GPR137C: variants seen among roughly 807,000 people sequenced by gnomAD.
The protein encoded by GPR137C is G protein-coupled receptor 137C, also known as integral membrane protein GPR137C.
In GPR137C, 27 loss-of-function variants were observed where a neutral mutation model predicts 43.4. The ratio of observed to expected loss-of-function variants is 0.62; its 90% CI spans 0.46 to 0.86. The LOEUF (loss-of-function observed/expected upper bound fraction) is 0.86, where lower values mean the gene tolerates loss of function less well. GPR137C is among the 40% of genes least tolerant of loss of function. The pLI is 0.00. For synonymous variants in GPR137C, 285 were observed against 226.9 expected, an observed-to-expected ratio of 1.26 and a Z score of -2.30; for missense variants, 522 against 534.6, an observed-to-expected ratio of 0.98 and a Z score of 0.23.
intron 1 of GPR137C, among the ~76,000 whole-genome samples, chr14:52,575,486 A>T (rs954928802): frequency 3.3e-5 from 5 of 152,220 alleles, no homozygotes; most frequent in African/African-American, 1.2e-4. Context: ...CAAAGTGGAG[A>T]TGTTAAACTG....
intron 6 of GPR137C, 141 bp downstream of exon 6, chr14:52,634,087 A>G: frequency 9.5e-6 from 6 of 631,140 alleles, no homozygotes; most frequent in Non-Finnish European, 1.7e-5. Context: ...TGGAGTTTAA[A>G]GCAGTAGATG....
chr14:52,570,124 C>T (rs1185056238), intron 1 of GPR137C, among the ~76,000 whole-genome samples: 1 of 152,106 alleles, frequency 6.6e-6, no homozygotes, highest in African/African-American at 2.4e-5. Context: ...AAAGGGAAGC[C>T]CATCAGACTA....
intron 1 of GPR137C, among the ~76,000 whole-genome samples, chr14:52,555,623 A>G (rs578166828): frequency 5.3e-5 from 8 of 152,332 alleles, no homozygotes; most frequent in South Asian, 4.1e-4. Context: ...GAAGAATTTA[A>G]AATCTGAAAG....
intron 3 of GPR137C, among the ~76,000 whole-genome samples, chr14:52,630,208 C>T (rs1020221574): frequency 2.6e-5 from 4 of 151,992 alleles, no homozygotes; most frequent in Non-Finnish European, 4.4e-5. Flanking sequence ...TGCTTCTTTG[C>T]TCTTTTCTCA....
At chr14:52,602,789 T>C (rs530244471) in intron 3 of GPR137C, among the ~76,000 whole-genome samples, 1 of 152,314 alleles carries the variant, frequency 6.6e-6, no homozygotes, top group South Asian at 2.1e-4. Context: ...TTATACAAAG[T>C]GGCATTTGTA....
At chr14:52,623,687 A>T (rs2039186769) in intron 3 of GPR137C, among the ~76,000 whole-genome samples, 1 of 152,114 alleles carries the variant, frequency 6.6e-6, no homozygotes, top group Non-Finnish European at 1.5e-5. Context: ...TTTTCATAAT[A>T]TTTTTTCCTT....
At chr14:52,601,219 A>T (rs2038920167) in intron 3 of GPR137C, among the ~76,000 whole-genome samples, 1 of 152,176 alleles carries the variant, frequency 6.6e-6, no homozygotes, top group Admixed American at 6.5e-5. Flanking sequence ...TTTTACAATC[A>T]CTTCCACAGG....
At chr14:52,595,031 A>G (rs1302160526) in intron 1 of GPR137C, among the ~76,000 whole-genome samples, 1 of 152,128 alleles carries the variant, frequency 6.6e-6, no homozygotes, top group Non-Finnish European at 1.5e-5. Context: ...AAAATCTCTC[A>G]GCATTTGCTT....
rs768891991 is a variant in GPR137C at position 52,553,448 on chromosome 14, T to G, written c.301T>G (p.Ser101Ala). ...GGCAGCGCTCAGGACCACCCTCTTCTCCGCCGCCTTCTCGCTCAGCGGCTC... is the reference window on the plus strand; with the variant it reads ...GGCAGCGCTCAGGACCACCCTCTTCGCCGCCGCCTTCTCGCTCAGCGGCTC... ...LWAALRTTLFSAAFSLSGSLP... is the reference protein window; with the variant it reads ...LWAALRTTLFAAAFSLSGSLP... The change falls in exon 1 of 7, where the codon TCC becomes GCC. Residue 101 changes from serine (S) to alanine (A), a missense_variant. By Grantham distance (99) the Ser-to-Ala change is moderately conservative. Transcript: ENST00000321662. 3.8e-5 allele frequency: 61 copies of G among 1,608,944 alleles called. 1 individual carries two copies. The highest frequency in any genetic ancestry group is 1.3e-4 in the East Asian group (6 of 44,864).
chr14:52,579,877 C>G (rs1233253520), intron 1 of GPR137C, among the ~76,000 whole-genome samples: 1 of 152,084 alleles, frequency 6.6e-6, no homozygotes, highest in Non-Finnish European at 1.5e-5. Context: ...CTAACAAATA[C>G]CAAATGTCAA....
At position 52,632,243 on chromosome 14, in the gene GPR137C, G is replaced by C; in HGVS notation, c.801G>C (p.Val267=). The stretch of plus-strand genomic sequence containing the variant: ...CCAGAGCTTGTTATAATTTGGTGGT[G>C]GTCACCATATCTCAGGATACATTAG... The part of the protein sequence containing the change: ...YSSRACYNLV[V]VTISQDTLES... Residue 267 remains valine, a synonymous_variant, in exon 4 of 7, where the codon GTG becomes GTC. Transcript: ENST00000321662. 6.2e-7 allele frequency: 1 copy of C among 1,609,418 alleles called. No homozygotes were observed. Among genetic ancestry groups the C allele is most frequent in the Non-Finnish European group, 8.5e-7 (1 of 1,175,944 alleles).
chr14:52,568,504 A>T (rs2038409244), intron 1 of GPR137C, among the ~76,000 whole-genome samples: 1 of 152,168 alleles, frequency 6.6e-6, no homozygotes, highest in Non-Finnish European at 1.5e-5. Flanking sequence ...CAAGTGGTGT[A>T]GCTCAGTGGA....
At chr14:52,571,261 A>C (rs1791132562) in intron 1 of GPR137C, among the ~76,000 whole-genome samples, 1 of 152,252 alleles carries the variant, frequency 6.6e-6, no homozygotes, top group South Asian at 2.1e-4. Context: ...AAATGAAGGC[A>C]GAAGTGAATA....
At chr14:52,634,679 T>G (rs574708896) in intron 6 of GPR137C, among the ~76,000 whole-genome samples, 7 of 152,162 alleles carry the variant, frequency 4.6e-5, no homozygotes, top group Admixed American at 6.6e-5. Context: ...TACATTGTTG[T>G]CATCTGACAA....
intron 3 of GPR137C, among the ~76,000 whole-genome samples, chr14:52,631,356 A>G (rs1344328323): frequency 1.3e-5 from 2 of 152,188 alleles, no homozygotes; most frequent in Non-Finnish European, 2.9e-5. Context: ...ACAACCAAAC[A>G]CAAACTTCCA....
chr14:52,591,270 T>C (rs1251416235), intron 1 of GPR137C, among the ~76,000 whole-genome samples: 2 of 152,166 alleles, frequency 1.3e-5, no homozygotes, highest in African/African-American at 2.4e-5. Flanking sequence ...TTTACTATTG[T>C]GAATAGTGCT....
chr14:52,635,099 T>C lies in GPR137C; in HGVS notation c.1274T>C (p.Val425Ala), dbSNP rs761018237. The C allele has an allele frequency of 3.8e-6, 6 of 1,576,962 alleles. No homozygotes were observed. In the East Asian group the frequency reaches 1.1e-4, roughly 30 times the overall value. Residue 425 changes from valine (V) to alanine (A), a missense_variant, in exon 7 of 7, where the codon GTG (valine) becomes GCG (alanine). Physicochemically the swap from Val to Ala is moderately conservative, Grantham distance 64. Coordinates refer to ENST00000321662, the MANE Select transcript of GPR137C (RefSeq NM_001099652.2). ...TTGAACAATCATCATAGCTTATATG[T>C]GACACCACAAAACTGACAGCATCAC... ...LDLNNHHSLY[V>A]TPQN
intron 1 of GPR137C, among the ~76,000 whole-genome samples, chr14:52,575,539 A>G (rs937948770): frequency 1.3e-5 from 2 of 152,236 alleles, no homozygotes; most frequent in Non-Finnish European, 2.9e-5. Context: ...TGATTTCTTA[A>G]TACATTTTCT....
intron 1 of GPR137C, among the ~76,000 whole-genome samples, chr14:52,554,106 C>T (rs1286272457): frequency 2.0e-5 from 3 of 152,202 alleles, no homozygotes; most frequent in Admixed American, 6.5e-5. Context: ...TCCTGCATCT[C>T]CTTTCCTGTG....
Sources: allele counts gnomAD v4.1 joint callset (sites outside exome capture counted in the v4.1 genomes callset), GRCh38; gene constraint gnomAD v4.1.1; transcripts MANE v1.5; gene names NCBI Gene and HGNC (gene_info 2026-07-23, HGNC 2026-07-21).